Variants in SCN11A observed in about 807,000 individuals in gnomAD.
SCN11A encodes the protein sodium voltage-gated channel alpha subunit 11.
Under a neutral mutation model 162.2 loss-of-function variants are expected in SCN11A, and 122 were observed. The observed-to-expected ratio is 0.75, with a 90% CI of 0.65 to 0.87. SCN11A has a LOEUF of 0.87. Ranked by LOEUF, SCN11A falls within the 40% of genes least tolerant of loss-of-function variation. The pLI, the probability that SCN11A is intolerant of heterozygous loss-of-function variation, is 0.00. For synonymous variants in SCN11A, 758 were observed against 751.5 expected, an observed-to-expected ratio of 1.01 and a Z score of -0.14; for missense variants, 2,015 against 2,181.6, an observed-to-expected ratio of 0.92 and a Z score of 1.52.
intron 7 of SCN11A, 26 bp downstream of exon 7, chr3:38,945,385 C>T: frequency 1.3e-6 from 2 of 1,490,276 alleles, no homozygotes; most frequent in Non-Finnish European, 1.9e-6. Flanking sequence ...AAACTTAGGA[C>T]AGGTGAGTGA....
Position 38,903,936 on chromosome 3 carries a change from T to C in SCN11A, c.1771A>G (p.Thr591Ala), listed in dbSNP as rs749485211. 1.2e-6 allele frequency: 2 copies of C among 1,614,048 alleles called. No homozygotes were observed. The highest frequency in any genetic ancestry group is 1.7e-6 in the Non-Finnish European group (2 of 1,179,964). Residue 591 changes from threonine to alanine, a missense_variant, in exon 16 of 30, where the codon ACT becomes GCT. Transcript: ENST00000302328. ...LAITICIIIN[T>A]VFLAMEHHKM... ...TGATGCTCCATGGCCAAGAAGACAG[T>C]GTTGATGATGATGCAGATGGTGATG...
At chr3:38,978,143 G>A (rs1362287231) in intron 2 of SCN11A, among the ~76,000 whole-genome samples, 1 of 152,140 alleles carries the variant, frequency 6.6e-6, no homozygotes, top group African/African-American at 2.4e-5. Context: ...GCTGGTGGTG[G>A]AGAGGCCAGG....
intron 22 of SCN11A, among the ~76,000 whole-genome samples, 155 bp from the exon 23 acceptor site, chr3:38,880,278 C>A (rs1018782569): frequency 6.6e-6 from 1 of 152,152 alleles, no homozygotes; most frequent in African/African-American, 2.4e-5. Context: ...TAAACTTTTC[C>A]AATGGAATCC....
chr3:38,922,634 A>G (rs1034169859), intron 9 of SCN11A, among the ~76,000 whole-genome samples: 2 of 152,140 alleles, frequency 1.3e-5, no homozygotes, highest in African/African-American at 4.8e-5. Context: ...AAGCTCCTAA[A>G]TCTACCTGGG....
chr3:38,960,605 A>G (rs1053090812), intron 2 of SCN11A, among the ~76,000 whole-genome samples, 182 bp from the exon 3 acceptor site: 5 of 152,136 alleles, frequency 3.3e-5, no homozygotes, highest in Admixed American at 1.3e-4. Flanking sequence ...ATAAAGAAAC[A>G]GGTTGTTGTT....
intron 4 of SCN11A, among the ~76,000 whole-genome samples, chr3:38,951,311 G>A (rs1208825752): frequency 6.6e-6 from 1 of 152,248 alleles, no homozygotes; most frequent in African/African-American, 2.4e-5. Context: ...GGCTGCGGAG[G>A]GTGTACTGGG....
In SCN11A at chr3:38,916,024, C is replaced by T. The variant is rs2065956118; in HGVS notation, c.959+3911G>A. Among the ~76,000 whole-genome samples, 4 of 152,262 alleles carry T rather than the reference C, an allele frequency of 2.6e-5. No individual in the cohort carries two copies. The South Asian group carries it at 6.2e-4, about 24-fold the overall frequency. On this transcript the variant is annotated intron_variant, in intron 11 of 29. Transcript: ENST00000302328. ...TATACCTTTAGATTAGTTAGGTCTT[C>T]TTGTTGAATTGAACATTTTACCATT...
At position 38,921,149 on chromosome 3, in the gene SCN11A, C is replaced by G. The variant is rs374749911; in HGVS notation, c.819G>C (p.Gln273His). ...TCAGGTTCAGACTTCCCATGAAGAG[C>G]TGCTGACCTACCAGGGCAAAGATGC... Reference protein sequence around the residue: ...CLSIFALVGQQLFMGSLNLKC... With the variant: ...CLSIFALVGQHLFMGSLNLKC... The change falls in exon 10 of 30, where the codon CAG becomes CAC. Residue 273 changes from glutamine to histidine, a missense_variant. Coordinates refer to ENST00000302328, the MANE Select transcript of SCN11A (RefSeq NM_001349253.2). The G allele has an allele frequency of 2.5e-6, 4 of 1,613,946 alleles. No individual in the cohort carries two copies. In the African/African-American group the frequency reaches 5.3e-5, roughly 22 times the overall value.
At chr3:38,923,235 T>C (rs1479139246) in intron 9 of SCN11A, among the ~76,000 whole-genome samples, 1 of 152,092 alleles carries the variant, frequency 6.6e-6, no homozygotes, top group Non-Finnish European at 1.5e-5. Flanking sequence ...CATGTTTCAG[T>C]ACCCTGGGGC....
At chr3:38,869,410 T>A (rs543628333) in intron 26 of SCN11A, among the ~76,000 whole-genome samples, 1 of 152,094 alleles carries the variant, frequency 6.6e-6, no homozygotes, top group African/African-American at 2.4e-5. Context: ...TTATGTTGTA[T>A]ATATAATTAT....
chr3:39,033,335 T>G (rs893571073), intron 1 of SCN11A, among the ~76,000 whole-genome samples: 1 of 151,990 alleles, frequency 6.6e-6, no homozygotes, highest in African/African-American at 2.4e-5. Context: ...ACATTTTTGT[T>G]TATTAGACAT....
intron 2 of SCN11A, among the ~76,000 whole-genome samples, chr3:38,999,920 A>C (rs1214380253): frequency 6.6e-6 from 1 of 152,180 alleles, no homozygotes; most frequent in Non-Finnish European, 1.5e-5. Context: ...GAAAGTACTA[A>C]TTGGAAGAAG....
intron 13 of SCN11A, 149 bp from the exon 14 acceptor site, chr3:38,908,271 C>A (rs925919842): frequency 2.9e-6 from 2 of 681,236 alleles, no homozygotes; most frequent in Admixed American, 3.0e-5. Flanking sequence ...TACGCTAGCT[C>A]TGTTATTTAT....
chr3:39,035,139 A>G (rs1276559415), intron 1 of SCN11A, among the ~76,000 whole-genome samples: 1 of 152,232 alleles, frequency 6.6e-6, no homozygotes, highest in Non-Finnish European at 1.5e-5. Flanking sequence ...GAATAGCCAA[A>G]GCCATCCTAA....
intron 1 of SCN11A, among the ~76,000 whole-genome samples, chr3:39,046,970 C>T (rs1350237131): frequency 2.0e-5 from 3 of 151,602 alleles, no homozygotes; most frequent in African/African-American, 7.3e-5. Flanking sequence ...ATCCACACAC[C>T]TCAGCCTCCC....
Position 39,012,481 on chromosome 3 carries a change from TCTTTC to T in SCN11A, c.-280+19894_-280+19898del, listed in dbSNP as rs1332130420. On this transcript the variant is annotated intron_variant, in intron 2 of 29. Transcript: ENST00000302328. ...TTCTTTCTTTCTCTCTCTCTTTCTC[TCTTTC>T]TTTTTTTTTTTTTTGACAGAATCTT... is the stretch of plus-strand genomic sequence containing the variant. Among the ~76,000 whole-genome samples, 89 of 125,876 alleles carry T rather than the reference TCTTTC, an allele frequency of 7.1e-4. 2 individuals are homozygous for T. Among genetic ancestry groups the T allele is most frequent in the African/African-American group, 3.4e-3 (88 of 25,578 alleles). The allele number at this position is 125,876 out of a possible 152,430, so 82.6% of individuals were successfully genotyped here.
At chr3:38,866,523 G>C (rs1435431329) in intron 27 of SCN11A, among the ~76,000 whole-genome samples, 7 of 152,168 alleles carry the variant, frequency 4.6e-5, no homozygotes, top group Admixed American at 3.3e-4. Context: ...CCCTGCCAGA[G>C]GCTCTGAGAA....
At position 38,847,008 on chromosome 3, in the gene SCN11A, C is replaced by T. The variant is rs748885752; in HGVS notation, c.5062G>A (p.Ala1688Thr). 6.2e-6 allele frequency: 10 copies of T among 1,613,868 alleles called. No homozygotes were observed. Among genetic ancestry groups the T allele is most frequent in the South Asian group, 4.4e-5 (4 of 91,070 alleles). ...CCACCGAGTACCCTAGCGGTGAAGGCGAAAAGAATATCCATGCAGTGGAGG... is the reference window on the plus strand; with the variant it reads ...CCACCGAGTACCCTAGCGGTGAAGGTGAAAAGAATATCCATGCAGTGGAGG... ...DRLHCMDILFAFTARVLGGSD... is the reference protein window; with the variant it reads ...DRLHCMDILFTFTARVLGGSD... Residue 1688 changes from alanine (A) to threonine (T), a missense_variant, in exon 30 of 30, where the codon GCC becomes ACC. Coordinates refer to ENST00000302328, the MANE Select transcript of SCN11A (RefSeq NM_001349253.2).
At chr3:38,906,299 A>C (rs1025877197) in intron 14 of SCN11A, among the ~76,000 whole-genome samples, 5 of 152,122 alleles carry the variant, frequency 3.3e-5, no homozygotes, top group Non-Finnish European at 5.9e-5. Context: ...ATATGTCTGA[A>C]CATCCCCCTC....
Sources: allele counts gnomAD v4.1 joint callset (sites outside exome capture counted in the v4.1 genomes callset), GRCh38; gene constraint gnomAD v4.1.1; transcripts MANE v1.5; gene names NCBI Gene and HGNC (gene_info 2026-07-23, HGNC 2026-07-21).